Variants in FGF12 observed in about 807,000 individuals in gnomAD.
FGF12 encodes fibroblast growth factor 12.
In FGF12, 14 loss-of-function variants were observed where a neutral mutation model predicts 23.6. The ratio of observed to expected loss-of-function variants is 0.59; its 90% CI spans 0.39 to 0.93. The LOEUF (loss-of-function observed/expected upper bound fraction) is 0.93. Among genes scored for constraint, FGF12 ranks in the 40% least tolerant of loss-of-function variants. The pLI is 0.00. For synonymous variants in FGF12, 62 were observed against 77.3 expected, an observed-to-expected ratio of 0.80 and a Z score of 1.04; for missense variants, 175 against 217.8, an observed-to-expected ratio of 0.80 and a Z score of 1.24.
chr3:192,487,758 T>C (rs1451147943), intron 2 of FGF12, among the ~76,000 whole-genome samples: 1 of 152,150 alleles, frequency 6.6e-6, no homozygotes, highest in Non-Finnish European at 1.5e-5. Flanking sequence ...CTGTTTCTAG[T>C]TTTATCCCTT....
intron 4 of FGF12, among the ~76,000 whole-genome samples, chr3:192,230,739 T>C (rs1718975662): frequency 6.6e-6 from 1 of 152,140 alleles, no homozygotes; most frequent in Non-Finnish European, 1.5e-5. Flanking sequence ...CTCTTTATTT[T>C]TTACTGTCAT....
chr3:192,311,609 T>C (rs942212667), intron 4 of FGF12, among the ~76,000 whole-genome samples: 13 of 152,204 alleles, frequency 8.5e-5, no homozygotes, highest in African/African-American at 2.4e-4. Flanking sequence ...TGGGTATGCA[T>C]ATACAAGAGT....
intron 4 of FGF12, among the ~76,000 whole-genome samples, chr3:192,295,782 T>A (rs2108654177): frequency 6.6e-6 from 1 of 152,350 alleles, no homozygotes; most frequent in Non-Finnish European, 1.5e-5. Flanking sequence ...TGGTATAGAC[T>A]ATTTTTATCA....
intron 4 of FGF12, among the ~76,000 whole-genome samples, chr3:192,198,405 AT>A (rs200252406): frequency 0.028 from 4,286 of 152,286 alleles, 85 homozygotes; most frequent in Non-Finnish European, 0.036. Flanking sequence ...TAGATTGAGC[AT>A]AAAAACCACT....
At chr3:192,396,309 C>G (rs1395659754) in intron 2 of FGF12, among the ~76,000 whole-genome samples, 1 of 152,090 alleles carries the variant, frequency 6.6e-6, no homozygotes, top group Admixed American at 6.5e-5. Context: ...TATTCCATTC[C>G]CAAGCACATG....
At chr3:192,174,684 A>T (rs78409970) in intron 4 of FGF12, among the ~76,000 whole-genome samples, 6,589 of 145,456 alleles carry the variant, frequency 0.045, 192 homozygotes, top group Admixed American at 0.061. Context: ...TTTACATTGT[A>T]TTTGCTATTA....
At chr3:192,686,450 A>C (rs1415904989) in intron 2 of FGF12, among the ~76,000 whole-genome samples, 1 of 152,124 alleles carries the variant, frequency 6.6e-6, no homozygotes, top group Non-Finnish European at 1.5e-5. Context: ...AAAAGTGTCC[A>C]GTTTGGGCAC....
chr3:192,393,117 T>C lies in FGF12; in HGVS notation c.14-32579A>G, dbSNP rs1720377915. Among the ~76,000 whole-genome samples the C allele has an allele frequency of 2.0e-5, 3 of 152,202 alleles. 1 individual carries two copies. The South Asian group carries it at 6.2e-4, about 31-fold the overall frequency. On this transcript the variant is annotated intron_variant, in intron 2 of 5. Transcript: ENST00000445105. ...TCTCCACCAGGAGTAATAATTTGCA[T>C]TCACCTTGTTTTGTTAGGCCTATGT...
At chr3:192,607,691 T>C (rs890518785) in intron 2 of FGF12, among the ~76,000 whole-genome samples, 16 of 152,092 alleles carry the variant, frequency 1.1e-4, no homozygotes, top group African/African-American at 3.4e-4. Flanking sequence ...GTATGATTCA[T>C]TAATTTTATT....
In FGF12 at chr3:192,424,711, G is replaced by A. The variant is rs1721640522; in HGVS notation, c.14-64173C>T. On this transcript the variant is annotated intron_variant, in intron 2 of 5. Transcript: ENST00000445105. ...ATTTGAATCACATGCCACAGGAGGA[G>A]AGTCTATAAACAACGTTTATTCTTA... is the stretch of plus-strand genomic sequence containing the variant. Among the ~76,000 whole-genome samples, 5 of 152,076 alleles carry A rather than the reference G, an allele frequency of 3.3e-5. No individual in the cohort carries two copies. In the South Asian group the frequency reaches 1.0e-3, roughly 31 times the overall value.
chr3:192,565,003 A>G (rs1029978626), intron 2 of FGF12, among the ~76,000 whole-genome samples: 1 of 152,240 alleles, frequency 6.6e-6, no homozygotes, highest in African/African-American at 2.4e-5. Context: ...TGTGTATTAA[A>G]TGAGGTTATC....
intron 2 of FGF12, among the ~76,000 whole-genome samples, chr3:192,389,639 CTTTA>C (rs899317994): frequency 6.6e-5 from 10 of 152,118 alleles, no homozygotes; most frequent in African/African-American, 2.4e-4. Context: ...ATTTTAAAAT[CTTTA>C]TTTGATACAA....
chr3:192,548,406 G>T (rs960257189), intron 2 of FGF12, among the ~76,000 whole-genome samples: 1 of 152,050 alleles, frequency 6.6e-6, no homozygotes, highest in African/African-American at 2.4e-5. Flanking sequence ...TTGTACAAAT[G>T]GAAAAAACTG....
At position 192,514,683 on chromosome 3, in the gene FGF12, G is replaced by A. The variant is rs1053996275; in HGVS notation, c.14-154145C>T. 3.2e-5 allele frequency: 32 copies of A among 985,204 alleles called. No individual in the cohort carries two copies. The East Asian group carries it at 3.3e-3, about 101-fold the overall frequency. The allele number at this position is 985,204 out of a possible 1,614,324, so 61.0% of individuals were successfully genotyped here. A position where few individuals can be genotyped will look rare whatever the true frequency, so the allele number is the denominator to read the frequency against. ...TTTTCTCACCACTTGGGCTGTCGCT[G>A]GACCTCAGGCTCCTTCCACAGAGAC... On this transcript the variant is annotated intron_variant, in intron 2 of 5. Transcript: ENST00000445105. The surrounding 1 kb of genome is among the most constrained non-coding windows in gnomAD (Gnocchi z 4.9).
intron 2 of FGF12, among the ~76,000 whole-genome samples, chr3:192,549,367 C>G (rs770344997): frequency 5.3e-4 from 81 of 152,016 alleles, no homozygotes; most frequent in Non-Finnish European, 1.1e-3. Context: ...AATGTCCAAG[C>G]TCCTGGAATT....
intron 2 of FGF12, among the ~76,000 whole-genome samples, chr3:192,520,006 T>A (rs1205091667): frequency 6.6e-6 from 1 of 152,206 alleles, no homozygotes; most frequent in African/African-American, 2.4e-5. Flanking sequence ...ACCCTAGCCC[T>A]GGATTCAAAT....
At chr3:192,312,041 A>T (rs1242521330) in intron 4 of FGF12, among the ~76,000 whole-genome samples, 1 of 151,860 alleles carries the variant, frequency 6.6e-6, no homozygotes, top group Non-Finnish European at 1.5e-5. Flanking sequence ...GAGTTATAAG[A>T]GTTCTTTATA....
chr3:192,608,362 C>T (rs1387578856), intron 2 of FGF12, among the ~76,000 whole-genome samples: 2 of 151,980 alleles, frequency 1.3e-5, no homozygotes, highest in East Asian at 3.9e-4. Flanking sequence ...TTCCATTTAC[C>T]TTGATATGAT....
At chr3:192,229,066 C>A (rs1718884445) in intron 4 of FGF12, among the ~76,000 whole-genome samples, 1 of 151,790 alleles carries the variant, frequency 6.6e-6, no homozygotes. Flanking sequence ...ATGATTGGAG[C>A]TCATTGAGAG....
Sources: gnomAD v4.1 joint callset for allele counts (sites outside exome capture counted in the v4.1 genomes callset) on GRCh38, gnomAD v4.1.1 for gene constraint, Gnocchi (gnomAD v3.1) non-coding constraint, MANE v1.5 for transcripts, NCBI Gene and HGNC (gene_info 2026-07-23, HGNC 2026-07-21) for gene names.